The following IPO11 variants were observed in gnomAD, a reference collection of about 807,000 sequenced individuals.
IPO11 encodes the protein importin-11.
Under a neutral mutation model 143.2 loss-of-function variants are expected in IPO11, and 66 were observed. The ratio of observed to expected loss-of-function variants is 0.46; its 90% confidence interval spans 0.38 to 0.57. The LOEUF is 0.57. IPO11 is among the 20% of genes least tolerant of loss of function. The probability of loss-of-function intolerance (pLI) is 0.00; values close to 1 mark genes in which losing one functional copy is unlikely to be tolerated. For missense variants in IPO11, 1,026 were observed against 1,141.0 expected (o/e 0.90, Z 1.45); for synonymous variants, 385 against 377.8 (o/e 1.02, Z -0.22).
intron 3 of IPO11, among the ~76,000 whole-genome samples, chr5:62,445,339 A>G (rs1267893548): frequency 3.3e-5 from 5 of 152,200 alleles, no homozygotes; most frequent in South Asian, 2.1e-4. Context: ...TGCTTGACAT[A>G]TAGTTTGAAT....
At chr5:62,524,729 A>G (rs529300237) in intron 20 of IPO11, among the ~76,000 whole-genome samples, 2 of 152,338 alleles carry the variant, frequency 1.3e-5, no homozygotes, top group Admixed American at 1.3e-4. Context: ...GTTAAAAAAT[A>G]ATGTATTGTA....
intron 21 of IPO11, among the ~76,000 whole-genome samples, chr5:62,528,596 C>T (rs1469268560): frequency 2.0e-5 from 3 of 152,032 alleles, no homozygotes; most frequent in Non-Finnish European, 2.9e-5. Flanking sequence ...ATTTTGGTAG[C>T]AGCTGGGATA....
chr5:62,428,199 C>CT (rs879775709), intron 1 of IPO11, among the ~76,000 whole-genome samples: 29 of 146,668 alleles, frequency 2.0e-4, no homozygotes, highest in South Asian at 1.3e-3. Flanking sequence ...ACCGTAGACA[C>CT]TTTTTTTTTT....
intron 16 of IPO11, among the ~76,000 whole-genome samples, chr5:62,503,446 T>C (rs1212438243): frequency 7.3e-6 from 1 of 136,948 alleles, no homozygotes; most frequent in Admixed American, 7.6e-5. Context: ...TAATAGATTC[T>C]ATTAATAGTT....
chr5:62,418,235 G>A (rs548847816), intron 1 of IPO11, among the ~76,000 whole-genome samples: 4 of 151,312 alleles, frequency 2.6e-5, no homozygotes, highest in South Asian at 4.2e-4. Context: ...GCACCATCTC[G>A]GCTCACTGCG....
intron 7 of IPO11, among the ~76,000 whole-genome samples, chr5:62,472,600 T>C (rs1745819094): frequency 6.6e-6 from 1 of 150,806 alleles, no homozygotes; most frequent in African/African-American, 2.4e-5. Flanking sequence ...TGATCTCGGC[T>C]CACTGCAACC....
At chr5:62,576,979 A>T (rs1048270880) in intron 27 of IPO11, among the ~76,000 whole-genome samples, 1 of 152,226 alleles carries the variant, frequency 6.6e-6, no homozygotes, top group Admixed American at 6.5e-5. Context: ...CAAGAATGAG[A>T]GGAAAACAGC....
At chr5:62,608,820 A>G (rs1022170531) in intron 29 of IPO11, among the ~76,000 whole-genome samples, 5 of 152,270 alleles carry the variant, frequency 3.3e-5, no homozygotes, top group East Asian at 1.9e-4. Flanking sequence ...TGTACATTCT[A>G]TGGGTCTTAA....
At chr5:62,451,663 A>G (rs1488692663) in intron 4 of IPO11, 67 bp from the exon 5 acceptor site, 2 of 1,171,448 alleles carry the variant, frequency 1.7e-6, no homozygotes, top group East Asian at 4.8e-5. Flanking sequence ...TAACAAGGTG[A>G]TTTGTCACCG....
chr5:62,588,493 G>A (rs573711199), intron 27 of IPO11, among the ~76,000 whole-genome samples: 17 of 152,134 alleles, frequency 1.1e-4, no homozygotes, highest in East Asian at 1.9e-4. Context: ...TCAGCCTCCC[G>A]AAGTGCTGGA....
At chr5:62,474,486 CT>C in intron 8 of IPO11, 22 bp downstream of exon 8, 4 of 1,538,518 alleles carry the variant, frequency 2.6e-6, no homozygotes, top group Non-Finnish European at 3.5e-6. Context: ...CGTTGCAGTC[CT>C]TTTTACTGTA....
At chr5:62,581,502 GTAA>G (rs1744564866) in intron 27 of IPO11, 1 of 483,608 alleles carries the variant, frequency 2.1e-6, no homozygotes, top group Non-Finnish European at 3.6e-6. Flanking sequence ...ACTGTATTAA[GTAA>G]TAATAGCTAA....
intron 27 of IPO11, among the ~76,000 whole-genome samples, chr5:62,573,030 A>G (rs1415650410): frequency 6.6e-6 from 1 of 152,060 alleles, no homozygotes; most frequent in Non-Finnish European, 1.5e-5. Flanking sequence ...ATGTGGTAGT[A>G]TCTTCTTGGG....
At position 62,453,976 on chromosome 5, in the gene IPO11, C is replaced by CA. The variant is rs555724657; in HGVS notation, c.516+2053dup. Among the ~76,000 whole-genome samples, 206 of 146,082 alleles carry CA rather than the reference C, an allele frequency of 1.4e-3. 2 individuals carry two copies. Among genetic ancestry groups the CA allele is most frequent in the South Asian group, 7.5e-3 (34 of 4,560 alleles). On this transcript the variant is annotated intron_variant, in intron 5 of 29. Coordinates refer to ENST00000325324, the MANE Select transcript of IPO11 (RefSeq NM_016338.5). ...TGAAACCCTATCTCTACTAAAAATA[C>CA]AAAAAAAAAATAGCCGGGCGTGGTG...
At chr5:62,498,432 A>C (rs1426109740) in intron 16 of IPO11, among the ~76,000 whole-genome samples, 1 of 152,244 alleles carries the variant, frequency 6.6e-6, no homozygotes, top group Non-Finnish European at 1.5e-5. Flanking sequence ...TTATTTCTAC[A>C]CTGTAAACTA....
At chr5:62,609,409 C>T (rs988688600) in intron 29 of IPO11, among the ~76,000 whole-genome samples, 1 of 152,244 alleles carries the variant, frequency 6.6e-6, no homozygotes, top group Non-Finnish European at 1.5e-5. Context: ...CTGGTTCTCA[C>T]AGTCATGGAA....
At chr5:62,452,033 T>G (rs1580194935) in intron 5 of IPO11, 100 bp downstream of exon 5, 1 of 904,172 alleles carries the variant, frequency 1.1e-6, no homozygotes, top group African/African-American at 1.6e-5. Context: ...CCGAGGCGGG[T>G]GGATCACGAG....
chr5:62,466,124 T>C (rs1356028711), intron 5 of IPO11, among the ~76,000 whole-genome samples: 1 of 152,176 alleles, frequency 6.6e-6, no homozygotes, highest in Non-Finnish European at 1.5e-5. Flanking sequence ...CTTACAAGCC[T>C]TCTATCCTCT....
At position 62,439,179 on chromosome 5, in the gene IPO11, T is replaced by C. The variant is rs187579794; in HGVS notation, c.138+1762T>C. Among the ~76,000 whole-genome samples the C allele has an allele frequency of 3.7e-4, 57 of 152,210 alleles. 1 individual carries two copies. The highest frequency in any genetic ancestry group is 5.7e-4 in the Non-Finnish European group (39 of 68,008). The stretch of plus-strand genomic sequence containing the variant: ...CAAAATATAAAACACTTTCAGAATT[T>C]CTTATTTTAATTACTGCTGGACCTT... On this transcript the variant is annotated intron_variant, in intron 2 of 29. Coordinates refer to ENST00000325324, the MANE Select transcript of IPO11 (RefSeq NM_016338.5).
Sources: gnomAD v4.1 joint callset for allele counts (sites outside exome capture counted in the v4.1 genomes callset) on GRCh38, gnomAD v4.1.1 for gene constraint, MANE v1.5 for transcripts, NCBI Gene and HGNC (gene_info 2026-07-23, HGNC 2026-07-21) for gene names.